The following MS4A7 variants were observed in gnomAD, a reference collection of about 807,000 sequenced individuals.
MS4A7 encodes the protein membrane spanning 4-domains A7.
MS4A7 carries 21 observed loss-of-function variants against 23.5 expected under a neutral mutation model. The observed-to-expected ratio is 0.89, with a 90% CI of 0.63 to 1.29. The LOEUF (loss-of-function observed/expected upper bound fraction) is 1.29, where lower values mean the gene tolerates loss of function less well. Ranked by LOEUF, MS4A7 falls within the 50% of genes most tolerant of loss-of-function variation. MS4A7 has a pLI of 0.00. For synonymous variants in MS4A7, 111 were observed against 107.4 expected, an observed-to-expected ratio of 1.03 and a Z score of -0.21; for missense variants, 263 against 274.2, an observed-to-expected ratio of 0.96 and a Z score of 0.29.
At chr11:60,392,985 G>C (rs1277592375) in intron 6 of MS4A7, among the ~76,000 whole-genome samples, 199 bp downstream of exon 6, 1 of 152,176 alleles carries the variant, frequency 6.6e-6, no homozygotes, top group African/African-American at 2.4e-5. Context: ...GCCAGGTGCA[G>C]TGGCACACGC....
rs976010318 is a variant in MS4A7, at chr11:60,395,191, G to C, written c.*1330G>C. 5.7e-6 allele frequency: 2 copies of C among 351,918 alleles called. No individual in the cohort carries two copies. The highest frequency in any genetic ancestry group is 1.0e-5 in the Non-Finnish European group (2 of 196,576). The allele number at this position is 351,918 out of a possible 1,614,324, so 21.8% of individuals were successfully genotyped here. The stretch of plus-strand genomic sequence containing the variant: ...AGTCATTGCTGCAATTATCTTGTCT[G>C]TTCTTTGTGTAATATGTTCTGTGTG... On this transcript the variant is annotated 3_prime_UTR_variant, in exon 7 of 7. Coordinates refer to ENST00000300184, the MANE Select transcript of MS4A7 (RefSeq NM_021201.5).
At chr11:60,391,385 C>T (rs946454947) in intron 5 of MS4A7, among the ~76,000 whole-genome samples, 28 of 152,052 alleles carry the variant, frequency 1.8e-4, no homozygotes, top group African/African-American at 6.5e-4. Context: ...AGGAGATGTC[C>T]GTAAACCCAA....
chr11:60,387,484 C>T (rs1565167169), intron 4 of MS4A7, among the ~76,000 whole-genome samples: 1 of 152,158 alleles, frequency 6.6e-6, no homozygotes, highest in Non-Finnish European at 1.5e-5. Flanking sequence ...GAGGGTGTTG[C>T]CGTCTTCATC....
At chr11:60,387,342 C>A (rs116830698) in intron 4 of MS4A7, among the ~76,000 whole-genome samples, 1 of 152,116 alleles carries the variant, frequency 6.6e-6, no homozygotes, top group Admixed American at 6.5e-5. Flanking sequence ...ACTGGTTTAC[C>A]CTACTCTGTG....
Position 60,385,903 on chromosome 11 carries a change from T to C in MS4A7, c.282+681T>C, listed in dbSNP as rs532231731. The stretch of plus-strand genomic sequence containing the variant: ...TCAAATATTCTGGGCAAATGAACTA[T>C]ACTAAGGTACCACTTCTGTGTGGAT... On this transcript the variant is annotated intron_variant, in intron 3 of 6. Coordinates refer to ENST00000300184, the MANE Select transcript of MS4A7 (RefSeq NM_021201.5). Among the ~76,000 whole-genome samples, 6 of 152,352 alleles carry C rather than the reference T, an allele frequency of 3.9e-5. No homozygotes were observed. The East Asian group carries it at 7.7e-4, about 20-fold the overall frequency.
At chr11:60,381,280 T>A (rs1156625054) in intron 1 of MS4A7, among the ~76,000 whole-genome samples, 4 of 152,198 alleles carry the variant, frequency 2.6e-5, no homozygotes, top group Non-Finnish European at 5.9e-5. Flanking sequence ...ATAGGACATG[T>A]AACCTCACCC....
At chr11:60,386,463 C>T (rs2085488605) in intron 3 of MS4A7, 1 of 414,908 alleles carries the variant, frequency 2.4e-6, no homozygotes, top group South Asian at 6.7e-5. Flanking sequence ...CTCCAGGCCT[C>T]CTCAGTTCCT....
intron 1 of MS4A7, 51 bp from the exon 2 acceptor site, chr11:60,383,078 T>C (rs766707585): frequency 1.2e-4 from 197 of 1,586,586 alleles, no homozygotes; most frequent in Middle Eastern, 3.4e-4. Context: ...GGGAAGTTTA[T>C]GTCTGTAAGT....
At position 60,389,484 on chromosome 11, in the gene MS4A7, CCT is replaced by C; in HGVS notation, c.438_439del (p.Gln147ThrfsTer23). On this transcript the variant is annotated frameshift_variant, in exon 5 of 7. Transcript: ENST00000300184. LOFTEE classifies it high-confidence loss of function. ...GACAGCATGGTAGCCCTGAGGACTG[CCT>C]CTCAACATTGTGGCTCAGAAATGGA... The C allele has an allele frequency of 6.2e-7, 1 of 1,614,086 alleles. No individual in the cohort carries two copies.
chr11:60,388,766 G>T (rs2085517380), intron 4 of MS4A7, among the ~76,000 whole-genome samples: 1 of 152,186 alleles, frequency 6.6e-6, no homozygotes, highest in Non-Finnish European at 1.5e-5. Context: ...AGAAGCACAG[G>T]GTCTAAGCCC....
chr11:60,387,646 C>A (rs1483572325), intron 4 of MS4A7, among the ~76,000 whole-genome samples: 1 of 152,148 alleles, frequency 6.6e-6, no homozygotes, highest in African/African-American at 2.4e-5. Context: ...ATTGCAGCAC[C>A]AAACTCAAAG....
rs576327812 is a variant in MS4A7 at position 60,389,536 on chromosome 11, G to A, written c.486G>A (p.Ser162=). The change falls in exon 5 of 7, where the codon TCG becomes TCA. Residue 162 remains serine, a synonymous_variant. Transcript: ENST00000300184. ...EMDYLSSLPY[S]EYYYPIYEIK... ...ATTATCTATCCTCATTGCCTTATTC[G>A]GAGTACTATTATCCAATATATGAAA... 4.8e-5 allele frequency: 78 copies of A among 1,614,024 alleles called. No homozygotes were observed. The Middle Eastern group carries it at 6.6e-4, about 14-fold the overall frequency.
chr11:60,392,875 T>G, intron 6 of MS4A7, 89 bp downstream of exon 6: 10 of 937,420 alleles, frequency 1.1e-5, no homozygotes, highest in Non-Finnish European at 1.4e-5. Flanking sequence ...AAAAGAAGAA[T>G]CAATTATTGT....
intron 5 of MS4A7, among the ~76,000 whole-genome samples, chr11:60,392,172 G>T (rs1286204958): frequency 6.6e-6 from 1 of 151,896 alleles, no homozygotes; most frequent in African/African-American, 2.4e-5. Context: ...GGAAAAGATG[G>T]ATGAAAGCCT....
intron 2 of MS4A7, among the ~76,000 whole-genome samples, chr11:60,384,662 G>C (rs1456453224): frequency 6.6e-6 from 1 of 152,178 alleles, no homozygotes; most frequent in African/African-American, 2.4e-5. Flanking sequence ...AAAATCCAAT[G>C]ATGAACAAAA....
In MS4A7 at chr11:60,393,767, A is replaced by T; in HGVS notation, c.649-20A>T. On this transcript the variant is annotated intron_variant, in intron 6 of 6. Coordinates refer to ENST00000300184, the MANE Select transcript of MS4A7 (RefSeq NM_021201.5). ...CCGAAATCAAAGTTTAAAAATTCTAACCAATTATGTATTTTCTAGAGTTCA... is the reference window on the plus strand; with the variant it reads ...CCGAAATCAAAGTTTAAAAATTCTATCCAATTATGTATTTTCTAGAGTTCA... 6.3e-7 allele frequency: 1 copy of T among 1,581,506 alleles called. No individual in the cohort carries two copies. The highest frequency in any genetic ancestry group is 8.6e-7 in the Non-Finnish European group (1 of 1,161,160).
chr11:60,393,690 A>G, intron 6 of MS4A7, 97 bp from the exon 7 acceptor site: 1 of 761,994 alleles, frequency 1.3e-6, no homozygotes, highest in South Asian at 2.0e-5. Flanking sequence ...TGGAAGAACT[A>G]GTACTACACA....
Position 60,389,563 on chromosome 11 carries a change from C to A in MS4A7, c.513C>A (p.Ile171=), listed in dbSNP as rs753943440. ...AGTACTATTATCCAATATATGAAAT[C>A]AAAGATTGTCTCCTGACCAGTGTCA... The part of the protein sequence containing the change: ...YSEYYYPIYE[I]KDCLLTSVSL... Residue 171 remains isoleucine, a synonymous_variant, in exon 5 of 7, where the codon ATC becomes ATA. Transcript: ENST00000300184. 1 of 1,613,958 alleles carries A rather than the reference C, an allele frequency of 6.2e-7. No homozygotes were observed. The highest frequency in any genetic ancestry group is 2.2e-5 in the East Asian group (1 of 44,884).
chr11:60,389,454 T>G lies in MS4A7; in HGVS notation c.404T>G (p.Leu135Arg). ...SVTAGAGLFLLADSMVALRTA... is the reference protein window; with the variant it reads ...SVTAGAGLFLRADSMVALRTA... ...ACTGCAGGAGCAGGCCTCTTCCTCCTTGCTGACAGCATGGTAGCCCTGAGG... is the reference window on the plus strand; with the variant it reads ...ACTGCAGGAGCAGGCCTCTTCCTCCGTGCTGACAGCATGGTAGCCCTGAGG... The change falls in exon 5 of 7, where the codon CTT becomes CGT. Residue 135 changes from leucine (L) to arginine (R), a missense_variant. Physicochemically the swap from Leu to Arg is moderately radical, Grantham distance 102. Transcript: ENST00000300184. 1 of 1,614,078 alleles carries G rather than the reference T, an allele frequency of 6.2e-7. No individual in the cohort carries two copies. Among genetic ancestry groups the G allele is most frequent in the Non-Finnish European group, 8.5e-7 (1 of 1,179,926 alleles).
Sources: gnomAD v4.1 joint callset for allele counts (sites outside exome capture counted in the v4.1 genomes callset) on GRCh38, gnomAD v4.1.1 for gene constraint, MANE v1.5 for transcripts, NCBI Gene and HGNC (gene_info 2026-07-23, HGNC 2026-07-21) for gene names.